Variants in CAMTA1 observed in about 807,000 individuals in gnomAD.
The protein encoded by CAMTA1 is calmodulin-binding transcription activator 1.
Under a neutral mutation model 170.9 loss-of-function variants are expected in CAMTA1, and 27 were observed. That is an observed-to-expected ratio of 0.16 (90% CI 0.12 to 0.22). The LOEUF is 0.22. CAMTA1 is among the 10% of genes least tolerant of loss of function. The probability of loss-of-function intolerance (pLI) is 1.00; values close to 1 mark genes in which losing one functional copy is unlikely to be tolerated. For missense variants in CAMTA1, 1,619 were observed against 2,217.2 expected (o/e 0.73, Z 5.42); for synonymous variants, 833 against 891.5 (o/e 0.93, Z 1.17).
chr1:6,823,983 A>G (rs1646822121), intron 2 of CAMTA1, among the ~76,000 whole-genome samples: 1 of 152,154 alleles, frequency 6.6e-6, no homozygotes, highest in Non-Finnish European at 1.5e-5. Flanking sequence ...CTATTAAGTA[A>G]CTTACCCAAG....
chr1:7,262,110 A>G (rs762947084), intron 5 of CAMTA1, among the ~76,000 whole-genome samples: 28 of 152,228 alleles, frequency 1.8e-4, no homozygotes, highest in African/African-American at 4.6e-4. Context: ...ACATAATGCC[A>G]TATTAAGTTT....
At position 7,562,138 on chromosome 1, in the gene CAMTA1, G is replaced by T. The variant is rs568995840; in HGVS notation, c.511-78262G>T. Among the ~76,000 whole-genome samples the T allele has an allele frequency of 1.6e-4, 24 of 152,078 alleles. No homozygotes were observed. Among genetic ancestry groups the T allele is most frequent in the Admixed American group, 3.9e-4 (6 of 15,272 alleles). ...CTATCTCCTGCCAGCCTCACTACCCGCACCAGGATTCACGGGTTGCAGCTG... is the reference window on the plus strand; with the variant it reads ...CTATCTCCTGCCAGCCTCACTACCCTCACCAGGATTCACGGGTTGCAGCTG... On this transcript the variant is annotated intron_variant, in intron 6 of 22. Transcript: ENST00000303635. The surrounding 1 kb of genome is among the most constrained non-coding windows in gnomAD (Gnocchi z 4.8).
At chr1:7,695,210 G>T (rs971186516) in intron 11 of CAMTA1, among the ~76,000 whole-genome samples, 2 of 152,110 alleles carry the variant, frequency 1.3e-5, no homozygotes, top group Non-Finnish European at 2.9e-5. Context: ...TGCCCTGGAA[G>T]CCCCCAGCAC....
chr1:7,089,834 G>A (rs1641251217), intron 3 of CAMTA1, among the ~76,000 whole-genome samples: 1 of 152,116 alleles, frequency 6.6e-6, no homozygotes. Context: ...AGTTAGGGAG[G>A]GCCAGCCAGA....
chr1:7,135,788 A>G (rs1023626640), intron 4 of CAMTA1, among the ~76,000 whole-genome samples: 3 of 152,242 alleles, frequency 2.0e-5, no homozygotes, highest in Admixed American at 6.5e-5. Context: ...GTCGTAATTC[A>G]TGATGGTTTT....
Position 6,976,390 on chromosome 1 carries a change from G to A in CAMTA1, c.235-114914G>A, listed in dbSNP as rs572836281. Among the ~76,000 whole-genome samples, 8 of 152,332 alleles carry A rather than the reference G, an allele frequency of 5.3e-5. No homozygotes were observed. In the East Asian group the frequency reaches 1.5e-3, roughly 29 times the overall value. On this transcript the variant is annotated intron_variant, in intron 3 of 22. Coordinates refer to ENST00000303635, the MANE Select transcript of CAMTA1 (RefSeq NM_015215.4). Reference sequence around the variant, plus strand: ...AGGATTGTGTGGTGGCTGATGGGAAGGGGAGAAATAGGCGTTTCCACCTGT... The same window carrying A: ...AGGATTGTGTGGTGGCTGATGGGAAAGGGAGAAATAGGCGTTTCCACCTGT...
rs1459264062 is a variant in CAMTA1, at chr1:7,542,879, G to GTGTGTGTGTGTGTGTGTGTGTT, written c.510+74979_510+74980insGTGTGTGTGTGTGTGTGTGTTT. Among the ~76,000 whole-genome samples, 89 of 138,164 alleles carry GTGTGTGTGTGTGTGTGTGTGTT rather than the reference G, an allele frequency of 6.4e-4. 1 individual carries two copies. The highest frequency in any genetic ancestry group is 1.2e-3 in the Non-Finnish European group (80 of 65,118). 90.6% of individuals were successfully genotyped at this position (138,164 alleles called of 152,430 possible). A position where few individuals can be genotyped will look rare whatever the true frequency, so the allele number is the denominator to read the frequency against. On this transcript the variant is annotated intron_variant, in intron 6 of 22. Coordinates refer to ENST00000303635, the MANE Select transcript of CAMTA1 (RefSeq NM_015215.4). ...TGTGTGTGTGTGTGTGTGTGTGTGT[G>GTGTGTGTGTGTGTGTGTGTGTT]TTTGAGCCGGAGTCTTGCTCTGTCA... is the stretch of plus-strand genomic sequence containing the variant.
At chr1:7,223,656 G>A (rs1270565421) in intron 4 of CAMTA1, among the ~76,000 whole-genome samples, 2 of 152,120 alleles carry the variant, frequency 1.3e-5, no homozygotes, top group Non-Finnish European at 2.9e-5. Context: ...AACATAAATA[G>A]TAATGCAAAG....
At chr1:6,806,928 T>C in intron 1 of CAMTA1, 2 of 434,906 alleles carry the variant, frequency 4.6e-6, no homozygotes, top group Non-Finnish European at 8.3e-6. Flanking sequence ...GTTATTGTTA[T>C]ACTTTTAAGT....
intron 3 of CAMTA1, among the ~76,000 whole-genome samples, chr1:6,914,216 TG>T (rs1445847663): frequency 6.6e-6 from 1 of 151,544 alleles, no homozygotes; most frequent in East Asian, 2.0e-4. Flanking sequence ...GTGATTCTCC[TG>T]CCTCAGCCTC....
At chr1:7,290,680 G>T (rs563403189) in intron 5 of CAMTA1, among the ~76,000 whole-genome samples, 1 of 151,974 alleles carries the variant, frequency 6.6e-6, no homozygotes, top group African/African-American at 2.4e-5. Flanking sequence ...TACTTGCTGC[G>T]ACGTAAATTA....
At chr1:7,048,835 A>G (rs1337488292) in intron 3 of CAMTA1, among the ~76,000 whole-genome samples, 1 of 152,224 alleles carries the variant, frequency 6.6e-6, no homozygotes, top group East Asian at 1.9e-4. Context: ...CACTTGAAGC[A>G]GAGCTTTGTG....
intron 5 of CAMTA1, among the ~76,000 whole-genome samples, chr1:7,424,687 G>C (rs937263479): frequency 5.3e-5 from 8 of 152,112 alleles, no homozygotes; most frequent in African/African-American, 1.9e-4. Context: ...GTTGAGTCAT[G>C]CTCCAGGCTC....
chr1:7,266,460 C>A (rs1034454), intron 5 of CAMTA1, among the ~76,000 whole-genome samples: 141,104 of 152,330 alleles, frequency 0.93, 65,514 homozygotes, highest in African/African-American at 0.98. Context: ...TAATTCTTCC[C>A]TGCATCCATT....
chr1:6,806,199 G>A (rs1013808614), intron 1 of CAMTA1, among the ~76,000 whole-genome samples: 1 of 152,148 alleles, frequency 6.6e-6, no homozygotes, highest in Non-Finnish European at 1.5e-5. Context: ...TTAGAGTCTT[G>A]ATTCTATTCC....
At chr1:7,655,431 TACACA>T (rs1226999534) in intron 7 of CAMTA1, among the ~76,000 whole-genome samples, 1 of 130,374 alleles carries the variant, frequency 7.7e-6, no homozygotes, top group Admixed American at 7.8e-5. Flanking sequence ...CCTATCCACA[TACACA>T]ACCTATACAC....
intron 7 of CAMTA1, among the ~76,000 whole-genome samples, chr1:7,644,106 A>G (rs1199525330): frequency 1.3e-5 from 2 of 152,148 alleles, no homozygotes; most frequent in African/African-American, 4.8e-5. Flanking sequence ...TTTAATCACA[A>G]TGTCGTGCTC....
chr1:7,440,125 G>A (rs1557716406), intron 5 of CAMTA1, among the ~76,000 whole-genome samples: 1 of 152,264 alleles, frequency 6.6e-6, no homozygotes, highest in East Asian at 1.9e-4. Context: ...TGGCCCCGTG[G>A]CATAGGCGAG....
chr1:6,931,040 G>A (rs561691844), intron 3 of CAMTA1, among the ~76,000 whole-genome samples: 3 of 152,338 alleles, frequency 2.0e-5, no homozygotes, highest in South Asian at 2.1e-4. Context: ...CTTCCCTGGG[G>A]CATAGATGCC....
Sources: gnomAD v4.1 joint callset for allele counts (sites outside exome capture counted in the v4.1 genomes callset) on GRCh38, gnomAD v4.1.1 for gene constraint, Gnocchi (gnomAD v3.1) non-coding constraint, MANE v1.5 for transcripts, NCBI Gene and HGNC (gene_info 2026-07-23, HGNC 2026-07-21) for gene names.